The following IDO2 variants were observed in gnomAD, a reference collection of about 807,000 sequenced individuals.
IDO2 encodes indoleamine 2,3-dioxygenase 2.
Under a neutral mutation model 45.1 loss-of-function variants are expected in IDO2, and 46 were observed. The observed-to-expected ratio is 1.02, with a 90% CI of 0.80 to 1.30. IDO2 has a LOEUF of 1.30. Ranked by LOEUF, IDO2 falls within the 50% of genes most tolerant of loss-of-function variation. IDO2 has a pLI of 0.00. For missense variants in IDO2, 544 were observed against 491.8 expected (o/e 1.11, Z -1.00); for synonymous variants, 218 against 184.9 (o/e 1.18, Z -1.45).
At chr8:39,989,652 G>A (rs1808472054) in intron 7 of IDO2, 69 bp from the exon 8 acceptor site, 1 of 1,102,212 alleles carries the variant, frequency 9.1e-7, no homozygotes, top group Non-Finnish European at 1.3e-6. Context: ...CCAACAGTAT[G>A]AGGCTTACTC....
At chr8:39,944,049 G>T (rs1200176065) in intron 1 of IDO2, among the ~76,000 whole-genome samples, 1 of 151,974 alleles carries the variant, frequency 6.6e-6, no homozygotes, top group African/African-American at 2.4e-5. Context: ...TGAAACCTGC[G>T]TGAGAACGGT....
chr8:40,006,286 C>G (rs1563441911), intron 9 of IDO2, among the ~76,000 whole-genome samples: 1 of 152,202 alleles, frequency 6.6e-6, no homozygotes, highest in Non-Finnish European at 1.5e-5. Context: ...AATTCCATAA[C>G]ATATTCAACA....
chr8:39,987,992 C>T lies in IDO2; in HGVS notation c.549+22C>T, dbSNP rs73621312. On this transcript the variant is annotated intron_variant, in intron 7 of 10. Coordinates refer to ENST00000502986, the Ensembl canonical transcript of IDO2. ...AAAGGTATCTTCTCACTTGATAGCA[C>T]CTTTTCTTTTTAAATGAGCTTGAGC... The T allele has an allele frequency of 8.1e-3, 11,526 of 1,423,320 alleles. 751 individuals are homozygous for T. The African/African-American group carries it at 0.14, about 18-fold the overall frequency. 88.2% of individuals were successfully genotyped at this position (1,423,320 alleles called of 1,614,324 possible).
At chr8:40,015,875 T>C (rs2955904) in exon 11 of IDO2, 393,132 of 396,960 alleles carry the variant, frequency 0.99, 194,775 homozygotes, top group South Asian at 1. Context: ...AGTGACTGTA[T>C]GCCATTCTCT....
Position 40,008,349 on chromosome 8 carries a change from A to G in IDO2, c.719+2971A>G, listed in dbSNP as rs1483157260. 3.9e-5 allele frequency among the ~76,000 whole-genome samples: 6 copies of G among 152,044 alleles called. No individual in the cohort carries two copies. The East Asian group carries it at 1.2e-3, about 29-fold the overall frequency. On this transcript the variant is annotated intron_variant, in intron 9 of 10. Coordinates refer to ENST00000502986, the Ensembl canonical transcript of IDO2. ...GCATGAGCCATCATGCCCAGCCAGCACTGACAATTCTAATCCTTCTAGCAC... is the reference window on the plus strand; with the variant it reads ...GCATGAGCCATCATGCCCAGCCAGCGCTGACAATTCTAATCCTTCTAGCAC...
intron 1 of IDO2, among the ~76,000 whole-genome samples, chr8:39,945,354 C>T (rs977607329): frequency 1.3e-5 from 2 of 152,218 alleles, no homozygotes; most frequent in African/African-American, 4.8e-5. Context: ...ATGGGACCTA[C>T]ATTCAAAAAA....
intron 9 of IDO2, 104 bp downstream of exon 9, chr8:40,005,482 A>G (rs1256316600): frequency 1.6e-5 from 10 of 642,624 alleles, no homozygotes; most frequent in Non-Finnish European, 2.5e-5. Context: ...AAACATACCA[A>G]GTGACTCTTG....
intron 2 of IDO2, among the ~76,000 whole-genome samples, chr8:39,960,838 A>G (rs542704677): frequency 5.0e-4 from 76 of 152,192 alleles, no homozygotes; most frequent in African/African-American, 1.8e-3. Context: ...GATGGAGTGC[A>G]GTGGCACAAT....
intron 1 of IDO2, among the ~76,000 whole-genome samples, chr8:39,941,251 AACTGGG>A (rs531344131): frequency 7.3e-4 from 108 of 147,108 alleles, no homozygotes; most frequent in African/African-American, 2.7e-3. Context: ...CCTCCTGAGT[AACTGGG>A]ACTACAGGCA....
At chr8:39,984,045 GA>G (rs1187025752) in intron 5 of IDO2, among the ~76,000 whole-genome samples, 1 of 53,170 alleles carries the variant, frequency 1.9e-5, no homozygotes, top group Non-Finnish European at 3.2e-5. Context: ...GAATTTGGAT[GA>G]AAAAAATAAT....
chr8:39,985,804 A>T, intron 6 of IDO2: 1 of 327,700 alleles, frequency 3.1e-6, no homozygotes, highest in Non-Finnish European at 5.5e-6. Context: ...ACAAAATGAA[A>T]CTTTATCAAA....
intron 9 of IDO2, among the ~76,000 whole-genome samples, chr8:40,012,670 G>A (rs1438634967): frequency 6.6e-6 from 1 of 152,128 alleles, no homozygotes; most frequent in Non-Finnish European, 1.5e-5. Flanking sequence ...ACAGATGGAG[G>A]CATAAAGAGG....
At chr8:39,982,589 T>G in intron 4 of IDO2, 63 bp from the exon 5 acceptor site, 1 of 1,121,328 alleles carries the variant, frequency 8.9e-7, no homozygotes, top group Non-Finnish European at 1.3e-6. Context: ...AAGACAACCA[T>G]GGTTATTTCC....
chr8:39,989,702 A>T lies in IDO2; in HGVS notation c.550-19A>T, dbSNP rs757529269. 24 of 1,509,786 alleles carry T rather than the reference A, an allele frequency of 1.6e-5. No individual in the cohort carries two copies. Among genetic ancestry groups the T allele is most frequent in the Non-Finnish European group, 2.0e-5 (22 of 1,106,942 alleles). 93.5% of individuals were successfully genotyped at this position (1,509,786 alleles called of 1,614,324 possible). A position where few individuals can be genotyped will look rare whatever the true frequency, so the allele number is the denominator to read the frequency against. ...TTAAGGGAGTGCTAATAAGTTGTGTACATGCATCTCATCCCTAGGCTCTTG... is the reference window on the plus strand; with the variant it reads ...TTAAGGGAGTGCTAATAAGTTGTGTTCATGCATCTCATCCCTAGGCTCTTG... On this transcript the variant is annotated intron_variant, in intron 7 of 10. Coordinates refer to ENST00000502986, the Ensembl canonical transcript of IDO2.
chr8:39,975,365 C>T (rs1808244197), intron 3 of IDO2, among the ~76,000 whole-genome samples: 1 of 151,824 alleles, frequency 6.6e-6, no homozygotes, highest in Non-Finnish European at 1.5e-5. Flanking sequence ...AGCCAAGCTA[C>T]AAACTGAGAG....
At chr8:40,006,872 G>T (rs1254359626) in intron 9 of IDO2, among the ~76,000 whole-genome samples, 1 of 152,012 alleles carries the variant, frequency 6.6e-6, no homozygotes, top group African/African-American at 2.4e-5. Flanking sequence ...TGTTAGTCAG[G>T]CTGGTCTCGA....
At chr8:39,975,505 A>C (rs1328880992) in intron 3 of IDO2, among the ~76,000 whole-genome samples, 1 of 152,230 alleles carries the variant, frequency 6.6e-6, no homozygotes, top group African/African-American at 2.4e-5. Context: ...AGAAGACACA[A>C]GTTCCCAATA....
chr8:39,941,903 A>G (rs1484934736), intron 1 of IDO2, among the ~76,000 whole-genome samples: 1 of 151,974 alleles, frequency 6.6e-6, no homozygotes, highest in African/African-American at 2.4e-5. Context: ...AGAGCAACAC[A>G]GCAAAACCCC....
chr8:39,989,185 A>G (rs1301150904), intron 7 of IDO2, among the ~76,000 whole-genome samples: 1 of 152,108 alleles, frequency 6.6e-6, no homozygotes, highest in African/African-American at 2.4e-5. Context: ...GGGAGCTGCC[A>G]AACACTTTTA....
Sources: gnomAD v4.1 joint callset for allele counts (sites outside exome capture counted in the v4.1 genomes callset) on GRCh38, gnomAD v4.1.1 for gene constraint, MANE v1.5 for transcripts, NCBI Gene and HGNC (gene_info 2026-07-23, HGNC 2026-07-21) for gene names.